REEP1: variants seen among roughly 807,000 people sequenced by gnomAD.
REEP1 encodes the protein receptor expression-enhancing protein 1.
In REEP1, 22 loss-of-function variants were observed where a neutral mutation model predicts 40.3. The observed-to-expected ratio is 0.55, with a 90% CI of 0.39 to 0.78. REEP1 has a LOEUF of 0.78. Among genes scored for constraint, REEP1 ranks in the 30% least tolerant of loss-of-function variants. The probability of loss-of-function intolerance (pLI) is 0.00; values close to 1 mark genes in which losing one functional copy is unlikely to be tolerated. For synonymous variants in REEP1, 116 were observed against 139.2 expected (o/e 0.83, Z 1.17); for missense variants, 280 against 361.1 (o/e 0.78, Z 1.82).
At position 86,215,105 on chromosome 2, in the gene REEP1, G is replaced by C. The variant is rs1345975568; in HGVS notation, c.*1934C>G. Reference sequence around the variant, plus strand: ...CTAACAGGTAAATACATTTTAAAGAGTATATTCTTCTTCTGTCTGGAACTA... The same window carrying C: ...CTAACAGGTAAATACATTTTAAAGACTATATTCTTCTTCTGTCTGGAACTA... On this transcript the variant is annotated 3_prime_UTR_variant, in exon 9 of 9. Coordinates refer to ENST00000538924, the MANE Select transcript of REEP1 (RefSeq NM_001371279.1). The C allele has an allele frequency of 3.0e-5, 4 of 134,026 alleles. No homozygotes were observed. Among genetic ancestry groups the C allele is most frequent in the African/African-American group, 1.1e-4 (4 of 36,140 alleles). The allele number at this position is 134,026 out of a possible 1,614,324, so 8.3% of individuals were successfully genotyped here.
rs1383447472 is a variant in REEP1 at position 86,255,338 on chromosome 2, A to AG, written c.183-525dup. 2.0e-5 allele frequency among the ~76,000 whole-genome samples: 3 copies of AG among 152,342 alleles called. No homozygotes were observed. In the East Asian group the frequency reaches 5.8e-4, roughly 29 times the overall value. On this transcript the variant is annotated intron_variant, in intron 3 of 8. Coordinates refer to ENST00000538924, the MANE Select transcript of REEP1 (RefSeq NM_001371279.1). ...CTGCCTTCTTGGCCCAAACAGAGGC[A>AG]GGGACAAGAGCCCAGCTCTTGGCAG...
chr2:86,225,086 C>G (rs911145514), intron 7 of REEP1, among the ~76,000 whole-genome samples: 4 of 152,222 alleles, frequency 2.6e-5, no homozygotes, highest in African/African-American at 9.6e-5. Flanking sequence ...AGTGTGTCCA[C>G]CAGGCCAGCG....
intron 5 of REEP1, among the ~76,000 whole-genome samples, chr2:86,244,538 A>G (rs1308554020): frequency 6.6e-6 from 1 of 152,238 alleles, no homozygotes; most frequent in Non-Finnish European, 1.5e-5. Context: ...AAGTCAGGAA[A>G]GCAGAGGTCA....
intron 4 of REEP1, among the ~76,000 whole-genome samples, chr2:86,253,120 A>G (rs747181081): frequency 6.6e-6 from 1 of 152,138 alleles, no homozygotes; most frequent in Non-Finnish European, 1.5e-5. Flanking sequence ...CATCTCCTCT[A>G]AAAATACAAA....
intron 1 of REEP1, among the ~76,000 whole-genome samples, chr2:86,319,088 T>C (rs1326616010): frequency 1.3e-5 from 2 of 151,842 alleles, no homozygotes; most frequent in Non-Finnish European, 2.9e-5. Context: ...ATTACAGGGC[T>C]TGACAGAGTG....
rs1284255651 is a variant in REEP1, at chr2:86,321,825, ACTTT to A, written c.32+15650_32+15653del. The stretch of plus-strand genomic sequence containing the variant: ...CTGAAAACCCTACAGCAAGCATGAT[ACTTT>A]ATGGGAAAATGTTGAAGCATCCCTT... On this transcript the variant is annotated intron_variant, in intron 1 of 8. Transcript: ENST00000538924. Among the ~76,000 whole-genome samples the A allele has an allele frequency of 5.3e-5, 8 of 152,366 alleles. No individual in the cohort carries two copies. The South Asian group carries it at 1.4e-3, about 28-fold the overall frequency.
chr2:86,239,017 G>C (rs1469830473), intron 5 of REEP1, among the ~76,000 whole-genome samples: 3 of 152,010 alleles, frequency 2.0e-5, no homozygotes, highest in African/African-American at 7.3e-5. Context: ...GCAGGGGTAA[G>C]AGTAAGACTT....
At chr2:86,291,037 T>C (rs1029568385) in intron 1 of REEP1, among the ~76,000 whole-genome samples, 1 of 152,238 alleles carries the variant, frequency 6.6e-6, no homozygotes, top group Non-Finnish European at 1.5e-5. Flanking sequence ...GAGACAGGTA[T>C]TATCATTTTC....
intron 3 of REEP1, among the ~76,000 whole-genome samples, chr2:86,259,570 T>C (rs1051829301): frequency 1.3e-5 from 2 of 151,808 alleles, no homozygotes; most frequent in South Asian, 2.1e-4. Flanking sequence ...TATTTTTTAG[T>C]AGAAACGGGG....
chr2:86,222,135 G>T (rs1674464357), intron 7 of REEP1, among the ~76,000 whole-genome samples: 2 of 152,188 alleles, frequency 1.3e-5, no homozygotes, highest in African/African-American at 4.8e-5. Context: ...TGGATTCACT[G>T]AGGCTGAGCA....
intron 2 of REEP1, among the ~76,000 whole-genome samples, chr2:86,279,232 T>TG (rs1414935227): frequency 6.6e-6 from 1 of 152,088 alleles, no homozygotes; most frequent in Admixed American, 6.5e-5. Flanking sequence ...AACCACACCT[T>TG]GGGTGTTGAG....
At chr2:86,317,755 TATC>T (rs970524224) in intron 1 of REEP1, among the ~76,000 whole-genome samples, 1 of 152,248 alleles carries the variant, frequency 6.6e-6, no homozygotes, top group Non-Finnish European at 1.5e-5. Flanking sequence ...TGGATGTTCT[TATC>T]ATTCTGTGAT....
chr2:86,337,931 C>G, upstream of REEP1: 2 of 1,262,574 alleles, frequency 1.6e-6, no homozygotes, highest in Admixed American at 2.0e-5. This position sits in a 1 kb window ranked among gnomAD's most constrained non-coding sequence, Gnocchi z 5.8. Flanking sequence ...AACTGAAGTC[C>G]GAACCTGAAC....
chr2:86,276,030 C>T (rs1677738286), intron 2 of REEP1, among the ~76,000 whole-genome samples: 1 of 152,198 alleles, frequency 6.6e-6, no homozygotes, highest in Non-Finnish European at 1.5e-5. Context: ...ATGAGATGGC[C>T]AGGTCTGTGG....
chr2:86,309,556 T>C (rs1048928641), intron 1 of REEP1, among the ~76,000 whole-genome samples: 1 of 152,192 alleles, frequency 6.6e-6, no homozygotes, highest in African/African-American at 2.4e-5. Context: ...CGGGATGGCT[T>C]AAACAACAGA....
intron 2 of REEP1, among the ~76,000 whole-genome samples, chr2:86,273,361 T>C (rs1178510543): frequency 6.6e-6 from 1 of 150,794 alleles, no homozygotes; most frequent in Non-Finnish European, 1.5e-5. Flanking sequence ...CACAGCTCAC[T>C]GCAGTCTCGA....
At chr2:86,324,534 G>A (rs55778946) in intron 1 of REEP1, among the ~76,000 whole-genome samples, 317 of 152,284 alleles carry the variant, frequency 2.1e-3, no homozygotes, top group Non-Finnish European at 3.7e-3. Flanking sequence ...CGCACCCACT[G>A]CTGAAAGAAA....
chr2:86,270,408 C>T (rs1221864660), intron 2 of REEP1, among the ~76,000 whole-genome samples: 1 of 152,178 alleles, frequency 6.6e-6, no homozygotes, highest in African/African-American at 2.4e-5. Flanking sequence ...GTTGGTCAGG[C>T]TGGTCTCAAA....
At chr2:86,249,027 G>C (rs1206878987) in intron 5 of REEP1, among the ~76,000 whole-genome samples, 3 of 152,180 alleles carry the variant, frequency 2.0e-5, no homozygotes, top group African/African-American at 7.2e-5. Flanking sequence ...GGGAGGCTGA[G>C]GCGGGCGGAT....
Sources: gnomAD v4.1 joint callset for allele counts (sites outside exome capture counted in the v4.1 genomes callset) on GRCh38, gnomAD v4.1.1 for gene constraint, Gnocchi (gnomAD v3.1) non-coding constraint, MANE v1.5 for transcripts, NCBI Gene and HGNC (gene_info 2026-07-23, HGNC 2026-07-21) for gene names.